The following ATP8B1 variants were observed in gnomAD, a reference collection of about 807,000 sequenced individuals.
ATP8B1 encodes the protein ATPase phospholipid transporting 8B1, also known as phospholipid-transporting ATPase IC.
Under a neutral mutation model 149.9 loss-of-function variants are expected in ATP8B1, and 80 were observed. The ratio of observed to expected loss-of-function variants is 0.53; its 90% CI spans 0.45 to 0.64. The LOEUF is 0.64. ATP8B1 is among the 30% of genes least tolerant of loss of function. The pLI is 0.00. For missense variants in ATP8B1, 1,247 were observed against 1,552.6 expected (o/e 0.80, Z 3.31); for synonymous variants, 536 against 562.8 (o/e 0.95, Z 0.67).
intron 1 of ATP8B1, among the ~76,000 whole-genome samples, chr18:57,742,455 C>T (rs887228435): frequency 3.3e-5 from 5 of 152,116 alleles, no homozygotes; most frequent in African/African-American, 1.2e-4. Flanking sequence ...AGGATCTTTA[C>T]ATATGATAGA....
intron 4 of ATP8B1, 59 bp downstream of exon 4, chr18:57,704,496 G>T: frequency 8.7e-7 from 1 of 1,149,128 alleles, no homozygotes; most frequent in Non-Finnish European, 1.3e-6. Context: ...TGTGTCTACA[G>T]CTTAAATGTT....
chr18:57,766,939 A>C (rs985470231), intron 1 of ATP8B1, among the ~76,000 whole-genome samples: 6 of 152,192 alleles, frequency 3.9e-5, no homozygotes, highest in African/African-American at 1.4e-4. Context: ...GGTGCATGAA[A>C]GGGACAGAGC....
intron 22 of ATP8B1, among the ~76,000 whole-genome samples, chr18:57,656,777 G>GGGGGAGAGAAGAGT (rs747797134): frequency 4.0e-5 from 6 of 148,770 alleles, no homozygotes; most frequent in African/African-American, 7.5e-5. Context: ...GGAGAGAATG[G>GGGGGAGAGAAGAGT]GGGGAGAGAA....
rs1909220326 is a variant in ATP8B1, at chr18:57,647,046, C to T, written c.*1442G>A. The T allele has an allele frequency of 6.6e-6, 1 of 152,226 alleles. No individual in the cohort carries two copies. The highest frequency in any genetic ancestry group is 6.5e-5 in the Admixed American group (1 of 15,282). 9.4% of individuals were successfully genotyped at this position (152,226 alleles called of 1,614,324 possible). The stretch of plus-strand genomic sequence containing the variant: ...AATGTGGCTGCCAATAACCTTTTCT[C>T]TCGACATAAGACAAGTGAAAAAGAG... On this transcript the variant is annotated 3_prime_UTR_variant, in exon 28 of 28. Transcript: ENST00000648908.
At position 57,726,228 on chromosome 18, in the gene ATP8B1, A is replaced by G. The variant is rs1003515647; in HGVS notation, c.181+5399T>C. On this transcript the variant is annotated intron_variant, in intron 2 of 27. Coordinates refer to ENST00000648908, the MANE Select transcript of ATP8B1 (RefSeq NM_001374385.1). ...GGTGACAGAGCAAGACTCTGCCTCA[A>G]ACAAAAACAAACAACAACAACAAAA... Among the ~76,000 whole-genome samples, 2 of 152,130 alleles carry G rather than the reference A, an allele frequency of 1.3e-5. 1 individual carries two copies. The highest frequency in any genetic ancestry group is 4.1e-4 in the South Asian group (2 of 4,824).
Position 57,701,293 on chromosome 18 carries a change from G to A in ATP8B1, c.414C>T (p.Thr138=), listed in dbSNP as rs769832221. The change falls in exon 5 of 28, where the codon ACC becomes ACT. Residue 138 remains threonine, a synonymous_variant. Transcript: ENST00000648908. ...GCACTAGTGTGGTGTACCAAGCCAG[G>A]GTAGAGATTTGAGGAACTGCCTAAA... The part of the protein sequence containing the change: ...LILQAVPQIS[T]LAWYTTLVPL... The A allele has an allele frequency of 1.9e-6, 3 of 1,614,104 alleles. No homozygotes were observed. The South Asian group carries it at 3.3e-5, about 18-fold the overall frequency.
chr18:57,717,607 C>CAAACCAAA (rs1379065766), intron 2 of ATP8B1, among the ~76,000 whole-genome samples: 1 of 131,748 alleles, frequency 7.6e-6, no homozygotes, highest in African/African-American at 2.8e-5. Flanking sequence ...AAAGCAAGAG[C>CAAACCAAA]AAACCAAACC....
chr18:57,655,788 G>T (rs915204856), intron 22 of ATP8B1, among the ~76,000 whole-genome samples: 5 of 152,194 alleles, frequency 3.3e-5, no homozygotes. Flanking sequence ...GTCAGTCATG[G>T]GCAGATATGT....
At chr18:57,754,496 A>G (rs2080058796) in intron 1 of ATP8B1, among the ~76,000 whole-genome samples, 1 of 152,006 alleles carries the variant, frequency 6.6e-6, no homozygotes. Context: ...TCAGTTTATC[A>G]TCTGTAAAAT....
intron 2 of ATP8B1, chr18:57,708,655 A>C (rs1347641437): frequency 6.6e-6 from 1 of 152,250 alleles, no homozygotes; most frequent in Non-Finnish European, 1.5e-5. Context: ...AAAAACAGAC[A>C]AGATTTCTCA....
At chr18:57,746,542 C>T (rs921334775) in intron 1 of ATP8B1, among the ~76,000 whole-genome samples, 2 of 137,788 alleles carry the variant, frequency 1.5e-5, no homozygotes, top group African/African-American at 5.4e-5. Context: ...GGTGTGATCT[C>T]TGCTCACTAC....
chr18:57,722,088 A>G (rs2079652679), intron 2 of ATP8B1, among the ~76,000 whole-genome samples: 1 of 144,272 alleles, frequency 6.9e-6, no homozygotes, highest in Non-Finnish European at 1.5e-5. Flanking sequence ...TCTGGGACGC[A>G]TTCAAAGCAG....
At chr18:57,766,918 G>C (rs972805889) in intron 1 of ATP8B1, among the ~76,000 whole-genome samples, 41 of 152,280 alleles carry the variant, frequency 2.7e-4, no homozygotes, top group African/African-American at 9.1e-4. Flanking sequence ...AGGACATGTA[G>C]GAGTCAGACA....
chr18:57,690,021 A>G (rs531536533), intron 12 of ATP8B1, among the ~76,000 whole-genome samples: 14 of 151,864 alleles, frequency 9.2e-5, no homozygotes, highest in Admixed American at 9.2e-4. Flanking sequence ...GTCTCAAAAC[A>G]AAACAAACAA....
chr18:57,801,482 C>T (rs1399547269), intron 1 of ATP8B1, among the ~76,000 whole-genome samples: 1 of 152,214 alleles, frequency 6.6e-6, no homozygotes, highest in Non-Finnish European at 1.5e-5. Context: ...AAGCCTTCAA[C>T]AACAGGCCCA....
chr18:57,794,646 A>T (rs1156400984), intron 1 of ATP8B1, among the ~76,000 whole-genome samples: 19 of 152,016 alleles, frequency 1.2e-4, no homozygotes, highest in Admixed American at 1.2e-3. Context: ...TATGACGGTC[A>T]TGGTGGTGCG....
At chr18:57,676,970 C>G (rs566947148) in intron 15 of ATP8B1, among the ~76,000 whole-genome samples, 1 of 152,184 alleles carries the variant, frequency 6.6e-6, no homozygotes, top group South Asian at 2.1e-4. Flanking sequence ...TTTGATATTC[C>G]ACTGCACTCC....
intron 27 of ATP8B1, 142 bp downstream of exon 27, chr18:57,650,225 G>T: frequency 9.3e-7 from 1 of 1,073,222 alleles, no homozygotes; most frequent in Non-Finnish European, 1.4e-6. Flanking sequence ...TTATTTGTGA[G>T]ATAGAGTTAA....
At chr18:57,762,969 T>C (rs2080171353) in intron 1 of ATP8B1, among the ~76,000 whole-genome samples, 1 of 152,098 alleles carries the variant, frequency 6.6e-6, no homozygotes, top group Admixed American at 6.6e-5. Context: ...GCACTTGGAG[T>C]TCTAAGAAAG....
Sources: allele counts gnomAD v4.1 joint callset (sites outside exome capture counted in the v4.1 genomes callset), GRCh38; gene constraint gnomAD v4.1.1; transcripts MANE v1.5; gene names NCBI Gene and HGNC (gene_info 2026-07-23, HGNC 2026-07-21).